The following FOXP2 variants were observed in gnomAD, a reference collection of about 807,000 sequenced individuals.
FOXP2 encodes forkhead box P2.
FOXP2 carries 12 observed loss-of-function variants against 115.8 expected under a neutral mutation model. The ratio of observed to expected loss-of-function variants is 0.10; its 90% CI spans 0.07 to 0.17. The LOEUF is 0.17. Among genes scored for constraint, FOXP2 ranks in the 10% least tolerant of loss-of-function variants. The probability of loss-of-function intolerance (pLI) is 1.00; values close to 1 mark genes in which losing one functional copy is unlikely to be tolerated. For missense variants in FOXP2, 629 were observed against 843.5 expected (o/e 0.75, Z 3.15); for synonymous variants, 328 against 297.7 (o/e 1.10, Z -1.05).
intron 3 of FOXP2, among the ~76,000 whole-genome samples, chr7:114,597,084 A>T (rs888027101): frequency 6.6e-6 from 1 of 152,054 alleles, no homozygotes; most frequent in African/African-American, 2.4e-5. Flanking sequence ...CTCAATGCTC[A>T]TTTTTTATGA....
intron 2 of FOXP2, among the ~76,000 whole-genome samples, chr7:114,429,863 G>A (rs898937646): frequency 2.0e-5 from 3 of 151,552 alleles, no homozygotes; most frequent in Non-Finnish European, 4.4e-5. Flanking sequence ...TGAGAATAGC[G>A]ACATTTGTGT....
intron 2 of FOXP2, among the ~76,000 whole-genome samples, chr7:114,455,713 A>G (rs142169944): frequency 6.6e-6 from 1 of 152,236 alleles, no homozygotes; most frequent in East Asian, 1.9e-4. Flanking sequence ...CTTACACACA[A>G]TTAATTTCCC....
At chr7:114,391,168 C>A (rs1417031760) in intron 2 of FOXP2, among the ~76,000 whole-genome samples, 1 of 150,578 alleles carries the variant, frequency 6.6e-6, no homozygotes, top group Non-Finnish European at 1.5e-5. Flanking sequence ...GCCTTGGCGA[C>A]AAGAGCAAGA....
intron 2 of FOXP2, among the ~76,000 whole-genome samples, chr7:114,291,886 A>C (rs1489871054): frequency 7.8e-5 from 10 of 128,350 alleles, no homozygotes; most frequent in Non-Finnish European, 1.4e-4. Flanking sequence ...AATATATAGA[A>C]TATATATTAT....
At chr7:114,376,450 A>G (rs1792138995) in intron 2 of FOXP2, among the ~76,000 whole-genome samples, 1 of 152,242 alleles carries the variant, frequency 6.6e-6, no homozygotes, top group Non-Finnish European at 1.5e-5. Flanking sequence ...AGAATTCAGC[A>G]CAGTGTCTGG....
intron 2 of FOXP2, among the ~76,000 whole-genome samples, chr7:114,520,349 G>A (rs1192971530): frequency 6.6e-6 from 1 of 151,994 alleles, no homozygotes; most frequent in African/African-American, 2.4e-5. Context: ...TTTAAAGATA[G>A]AGCATGACCA....
chr7:114,309,638 C>A (rs531077943), intron 2 of FOXP2, among the ~76,000 whole-genome samples: 3 of 152,016 alleles, frequency 2.0e-5, no homozygotes, highest in Non-Finnish European at 4.4e-5. Context: ...ACATTTTTTT[C>A]CCCATAGTTC....
At chr7:114,242,584 C>G (rs1795183203) in intron 1 of FOXP2, among the ~76,000 whole-genome samples, 1 of 152,168 alleles carries the variant, frequency 6.6e-6, no homozygotes, top group Non-Finnish European at 1.5e-5. Flanking sequence ...ATGTCAATAT[C>G]TTTCTGACTG....
At chr7:114,635,829 G>T (rs1233975879) in intron 6 of FOXP2, among the ~76,000 whole-genome samples, 4 of 151,966 alleles carry the variant, frequency 2.6e-5, no homozygotes, top group African/African-American at 4.8e-5. Flanking sequence ...AATATGATGA[G>T]AAAAAGGAAA....
intron 16 of FOXP2, among the ~76,000 whole-genome samples, chr7:114,683,474 G>A (rs534369249): frequency 7.9e-5 from 12 of 152,274 alleles, no homozygotes; most frequent in Admixed American, 2.6e-4. Context: ...TTACTCATCT[G>A]TAAAATGGGA....
At chr7:114,476,274 ATTGATT>A (rs1796256325) in intron 2 of FOXP2, among the ~76,000 whole-genome samples, 1 of 151,780 alleles carries the variant, frequency 6.6e-6, no homozygotes, top group African/African-American at 2.4e-5. Context: ...TAAATCTTTG[ATTGATT>A]TTGAGTTAAT....
intron 1 of FOXP2, among the ~76,000 whole-genome samples, chr7:114,421,602 T>C (rs532818773): frequency 2.0e-5 from 3 of 151,814 alleles, no homozygotes; most frequent in Admixed American, 2.0e-4. Flanking sequence ...TTAATTTTAA[T>C]TTACTTAAAA....
At chr7:114,600,539 A>T (rs1470628441) in intron 3 of FOXP2, among the ~76,000 whole-genome samples, 5 of 152,216 alleles carry the variant, frequency 3.3e-5, no homozygotes, top group African/African-American at 4.8e-5. Context: ...GTGAGAGCAC[A>T]TTGCTGGATC....
intron 2 of FOXP2, among the ~76,000 whole-genome samples, chr7:114,529,058 ACATTAGCAATTTATTAC>A (rs917991341): frequency 1.3e-5 from 2 of 151,936 alleles, no homozygotes; most frequent in Admixed American, 1.3e-4. Context: ...TTAGGATATT[ACATTAGCAATTTATTAC>A]CATTAGCAAT....
intron 1 of FOXP2, among the ~76,000 whole-genome samples, chr7:114,147,887 G>A (rs1792418607): frequency 6.6e-6 from 1 of 152,130 alleles, no homozygotes; most frequent in African/African-American, 2.4e-5. Context: ...TCTCAAAGCT[G>A]TTTATATGGT....
At position 114,447,074 on chromosome 7, in the gene FOXP2, A is replaced by C. The variant is rs140448781; in HGVS notation, c.168+20395A>C. ...CTCCTATCTTTTTAAGTGGCACTTTAGTCTACTCCACAAATGAAGAAAGCA... is the reference window on the plus strand; with the variant it reads ...CTCCTATCTTTTTAAGTGGCACTTTCGTCTACTCCACAAATGAAGAAAGCA... On this transcript the variant is annotated intron_variant, in intron 2 of 16. Transcript: ENST00000350908. Among the ~76,000 whole-genome samples the C allele has an allele frequency of 4.6e-4, 70 of 152,140 alleles. No individual in the cohort carries two copies. In the East Asian group the frequency reaches 0.011, roughly 23 times the overall value.
intron 3 of FOXP2, among the ~76,000 whole-genome samples, chr7:114,582,883 A>T (rs1248697783): frequency 6.6e-6 from 1 of 152,200 alleles, no homozygotes; most frequent in African/African-American, 2.4e-5. Flanking sequence ...CTGCCCTTAG[A>T]CATATTTAAC....
At chr7:114,681,232 T>C (rs998078469) in intron 16 of FOXP2, among the ~76,000 whole-genome samples, 1 of 152,144 alleles carries the variant, frequency 6.6e-6, no homozygotes, top group African/African-American at 2.4e-5. Flanking sequence ...GTTAATATGT[T>C]ATTGGCTTTT....
At chr7:114,538,071 G>A (rs1295089434) in intron 3 of FOXP2, among the ~76,000 whole-genome samples, 1 of 151,570 alleles carries the variant, frequency 6.6e-6, no homozygotes, top group East Asian at 1.9e-4. Flanking sequence ...AATGAGGAAA[G>A]TTAGCCAAAA....
Sources: allele counts gnomAD v4.1 joint callset (sites outside exome capture counted in the v4.1 genomes callset), GRCh38; gene constraint gnomAD v4.1.1; transcripts MANE v1.5; gene names NCBI Gene and HGNC (gene_info 2026-07-23, HGNC 2026-07-21).